FGGY: variants seen among roughly 807,000 people sequenced by gnomAD.
FGGY encodes FGGY carbohydrate kinase domain-containing protein.
In FGGY, 72 loss-of-function variants were observed where a neutral mutation model predicts 71.3. The observed-to-expected ratio is 1.01, with a 90% confidence interval of 0.84 to 1.23. FGGY has a LOEUF of 1.23. FGGY is among the 50% of genes most tolerant of loss of function. The pLI, the probability that FGGY is intolerant of heterozygous loss-of-function variation, is 0.00. For synonymous variants in FGGY, 251 were observed against 250.3 expected (o/e 1.00, Z -0.02); for missense variants, 668 against 682.3 (o/e 0.98, Z 0.23).
In FGGY at chr1:59,615,098, C is replaced by T. The variant is rs192716797; in HGVS notation, c.1011+7188C>T. 7.4e-4 allele frequency among the ~76,000 whole-genome samples: 113 copies of T among 152,250 alleles called. No homozygotes were observed. The East Asian group carries it at 0.021, about 28-fold the overall frequency. On this transcript the variant is annotated intron_variant, in intron 9 of 15. Coordinates refer to ENST00000303721, the MANE Select transcript of FGGY (RefSeq NM_018291.5). ...CCCAAGGTAATTTATAGATTCAATG[C>T]CATCCCCATCAAGCTACTGATGACT...
intron 4 of FGGY, among the ~76,000 whole-genome samples, chr1:59,347,301 G>A (rs139591700): frequency 0.027 from 3,510 of 131,828 alleles, 168 homozygotes; most frequent in African/African-American, 0.097. Flanking sequence ...CTGTGTCCAT[G>A]TGTTCTCATT....
At chr1:59,418,126 A>G (rs1321470489) in intron 5 of FGGY, among the ~76,000 whole-genome samples, 1 of 152,134 alleles carries the variant, frequency 6.6e-6, no homozygotes, top group African/African-American at 2.4e-5. Flanking sequence ...AAAGGAGGTT[A>G]TGCAGACTCA....
intron 10 of FGGY, among the ~76,000 whole-genome samples, chr1:59,635,387 A>T (rs943203481): frequency 1.3e-5 from 2 of 152,180 alleles, no homozygotes; most frequent in African/African-American, 4.8e-5. Context: ...TGTAGAGGCT[A>T]AATGAATCTC....
chr1:59,420,268 G>A (rs535742759), intron 5 of FGGY, among the ~76,000 whole-genome samples: 2 of 152,252 alleles, frequency 1.3e-5, no homozygotes, highest in Admixed American at 6.5e-5. Flanking sequence ...TCTGATTTTG[G>A]GTGGCTGGAT....
At chr1:59,346,929 G>A (rs973871814) in intron 4 of FGGY, among the ~76,000 whole-genome samples, 15 of 149,514 alleles carry the variant, frequency 1.0e-4, no homozygotes, top group African/African-American at 3.7e-4. Flanking sequence ...CACTGTGCCC[G>A]GCCATCCAAA....
chr1:59,723,670 G>A (rs76236776), intron 14 of FGGY, among the ~76,000 whole-genome samples: 6,002 of 151,826 alleles, frequency 0.04, 403 homozygotes, highest in African/African-American at 0.14. Flanking sequence ...GAGTGAGATC[G>A]TTTTATACAC....
intron 11 of FGGY, chr1:59,641,443 A>T (rs2097026300): frequency 1.1e-5 from 12 of 1,057,962 alleles, no homozygotes; most frequent in Non-Finnish European, 1.3e-5. Context: ...AACCCAGGTA[A>T]TACAAAGAAA....
chr1:59,534,253 A>G (rs1446327250), intron 7 of FGGY, among the ~76,000 whole-genome samples: 1 of 152,190 alleles, frequency 6.6e-6, no homozygotes, highest in Non-Finnish European at 1.5e-5. Context: ...GAGATGAATG[A>G]AATGAAGTGA....
At chr1:59,518,855 G>T (rs1201548682) in intron 7 of FGGY, among the ~76,000 whole-genome samples, 2 of 152,088 alleles carry the variant, frequency 1.3e-5, no homozygotes, top group African/African-American at 4.8e-5. Flanking sequence ...TCAGTTTCAG[G>T]TATTCCTTTA....
chr1:59,458,235 T>G (rs1479834200), intron 6 of FGGY, among the ~76,000 whole-genome samples: 1 of 152,226 alleles, frequency 6.6e-6, no homozygotes, highest in Non-Finnish European at 1.5e-5. Context: ...CATAGCTTTA[T>G]TAGTGTATAT....
In FGGY at chr1:59,598,729, G is replaced by T. The variant is rs115199291; in HGVS notation, c.904-9074G>T. ...ACCCCCAAATAGAAGAGGAAAATTT[G>T]GTAAGCCCGATCTTTATTAACCATG... On this transcript the variant is annotated intron_variant, in intron 8 of 15. Transcript: ENST00000303721. 4.9e-3 allele frequency among the ~76,000 whole-genome samples: 742 copies of T among 152,236 alleles called. 7 individuals are homozygous for T. The highest frequency in any genetic ancestry group is 0.017 in the African/African-American group (714 of 41,540).
chr1:59,510,056 A>G (rs774444910), intron 6 of FGGY, among the ~76,000 whole-genome samples: 10 of 143,208 alleles, frequency 7.0e-5, no homozygotes, highest in Admixed American at 1.4e-4. Context: ...TTTTTTTTTT[A>G]ACATACATAA....
chr1:59,424,137 G>A (rs1249446246), intron 5 of FGGY, among the ~76,000 whole-genome samples: 1 of 152,240 alleles, frequency 6.6e-6, no homozygotes, highest in Non-Finnish European at 1.5e-5. Context: ...AATGCATGAA[G>A]ATGTGTGAGG....
chr1:59,733,778 A>G (rs2098072140), intron 14 of FGGY, among the ~76,000 whole-genome samples: 1 of 152,256 alleles, frequency 6.6e-6, no homozygotes, highest in African/African-American at 2.4e-5. Context: ...CCGTAAGGAC[A>G]AACCCTCACT....
intron 8 of FGGY, among the ~76,000 whole-genome samples, chr1:59,585,845 TG>T (rs2096276355): frequency 6.6e-6 from 1 of 152,080 alleles, no homozygotes; most frequent in South Asian, 2.1e-4. Flanking sequence ...CATCAACAAT[TG>T]GGTGAAGGAT....
At chr1:59,564,767 T>C (rs1236716387) in intron 8 of FGGY, among the ~76,000 whole-genome samples, 1 of 152,220 alleles carries the variant, frequency 6.6e-6, no homozygotes, top group Admixed American at 6.5e-5. Flanking sequence ...ACATTCCATT[T>C]CTATAAAAGC....
At chr1:59,428,830 G>A (rs1399126589) in intron 5 of FGGY, among the ~76,000 whole-genome samples, 1 of 152,226 alleles carries the variant, frequency 6.6e-6, no homozygotes, top group East Asian at 1.9e-4. Context: ...TGAGTCCTGA[G>A]TGGACCACAT....
chr1:59,732,856 G>A (rs748907113), intron 14 of FGGY, among the ~76,000 whole-genome samples: 22 of 151,938 alleles, frequency 1.4e-4, no homozygotes, highest in Non-Finnish European at 2.2e-4. Context: ...TCCCCGCGAC[G>A]AGCTTCCACC....
At chr1:59,674,252 C>A in intron 14 of FGGY, 119 bp downstream of exon 14, 1 of 688,696 alleles carries the variant, frequency 1.5e-6, no homozygotes, top group Non-Finnish European at 2.5e-6. Context: ...ATGATAGGTT[C>A]CAGCCAGGGA....
Sources: allele counts gnomAD v4.1 joint callset (sites outside exome capture counted in the v4.1 genomes callset), GRCh38; gene constraint gnomAD v4.1.1; transcripts MANE v1.5; gene names NCBI Gene and HGNC (gene_info 2026-07-23, HGNC 2026-07-21).